The following MYT1L variants were observed in gnomAD, a reference collection of about 807,000 sequenced individuals.
The protein encoded by MYT1L is myelin transcription factor 1 like, also known as myelin transcription factor 1-like protein.
MYT1L carries 12 observed loss-of-function variants against 126.7 expected under a neutral mutation model. That is an observed-to-expected ratio of 0.09 (90% CI 0.06 to 0.15). MYT1L has a LOEUF of 0.15. Ranked by LOEUF, MYT1L falls within the 10% of genes least tolerant of loss-of-function variation. MYT1L has a pLI of 1.00. For synonymous variants in MYT1L, 541 were observed against 604.2 expected (o/e 0.90, Z 1.53); for missense variants, 979 against 1,585.2 (o/e 0.62, Z 6.49).
chr2:2,253,850 C>CTA (rs2094729909), intron 2 of MYT1L, among the ~76,000 whole-genome samples: 1 of 152,162 alleles, frequency 6.6e-6, no homozygotes, highest in African/African-American at 2.4e-5. Context: ...ACAATCATTC[C>CTA]AGCCACTGCC....
chr2:1,922,685 G>C lies in MYT1L; in HGVS notation c.1084C>G (p.Arg362Gly). The change falls in exon 10 of 25, where the codon CGG becomes GGG. Residue 362 changes from arginine to glycine, a missense_variant. By Grantham distance (125) the Arg-to-Gly change is moderately radical. This residue lies in a region of MYT1L where 243 missense variants were observed against 363.9 expected (regional missense o/e 0.67). Transcript: ENST00000647738. The surrounding 1 kb of genome is among the most constrained non-coding windows in gnomAD (Gnocchi z 7.4). The stretch of plus-strand genomic sequence containing the variant: ...CTTCCGGGGAAGTCCTCTTCTGGCC[G>C]GACATGCTGACGGATGTTCATGTTC... ...QQNMNIRQHV[R>G]PEEDFPGRTP... The C allele has an allele frequency of 6.2e-7, 1 of 1,613,696 alleles. No individual in the cohort carries two copies. The highest frequency in any genetic ancestry group is 1.3e-5 in the African/African-American group (1 of 74,992).
Position 1,889,336 on chromosome 2 carries a change from A to G in MYT1L, c.2425T>C (p.Phe809Leu), listed in dbSNP as rs1166658080. ...CAGCAGTCGCCCTCGCCCAGCTGGAAACACCGGTTGTTCATCACTGCCTGC... is the reference window on the plus strand; with the variant it reads ...CAGCAGTCGCCCTCGCCCAGCTGGAGACACCGGTTGTTCATCACTGCCTGC... Reference protein sequence around the residue: ...QQQAVMNNRCFQLGEGDCWDL... With the variant: ...QQQAVMNNRCLQLGEGDCWDL... The change falls in exon 16 of 25, where the codon TTC (phenylalanine) becomes CTC (leucine). Residue 809 changes from phenylalanine (F) to leucine (L), a missense_variant. Phe to Leu is a conservative substitution (Grantham distance 22, BLOSUM62 0). This residue lies in a region of MYT1L where 141 missense variants were observed against 170.6 expected (regional missense o/e 0.83). Coordinates refer to ENST00000647738, the MANE Select transcript of MYT1L (RefSeq NM_001303052.2). This position sits in a 1 kb window ranked among gnomAD's most constrained non-coding sequence, Gnocchi z 4.1. The G allele has an allele frequency of 3.1e-6, 5 of 1,613,898 alleles. No homozygotes were observed. The highest frequency in any genetic ancestry group is 4.2e-6 in the Non-Finnish European group (5 of 1,179,878).
At position 2,140,358 on chromosome 2, in the gene MYT1L, T is replaced by C. The variant is rs2083763631; in HGVS notation, c.-304+32514A>G. Among the ~76,000 whole-genome samples the C allele has an allele frequency of 2.0e-5, 3 of 152,230 alleles. No individual in the cohort carries two copies. In the South Asian group the frequency reaches 6.2e-4, roughly 32 times the overall value. ...TTAAAAAAGCTGTTTAACAGTGCAC[T>C]TATTCTGTTTTGTAGAAATTTGCTC... On this transcript the variant is annotated intron_variant, in intron 3 of 24. Transcript: ENST00000647738.
chr2:2,046,304 T>C (rs1414689952), intron 4 of MYT1L, among the ~76,000 whole-genome samples: 2 of 152,178 alleles, frequency 1.3e-5, no homozygotes, highest in Non-Finnish European at 2.9e-5. Flanking sequence ...CCTGTACATT[T>C]TGTTTAATAT....
Position 1,979,708 on chromosome 2 carries a change from G to T in MYT1L, c.55+15C>A, listed in dbSNP as rs2060456577. 2 of 1,613,904 alleles carry T rather than the reference G, an allele frequency of 1.2e-6. No homozygotes were observed. Among genetic ancestry groups the T allele is most frequent in the Non-Finnish European group, 1.7e-6 (2 of 1,179,902 alleles). On this transcript the variant is annotated intron_variant, in intron 6 of 24. Coordinates refer to ENST00000647738, the MANE Select transcript of MYT1L (RefSeq NM_001303052.2). The surrounding 1 kb of genome is among the most constrained non-coding windows in gnomAD (Gnocchi z 4.0). ...CCCTGAGCCGGCCTCAGGATGCAGG[G>T]AAGCGCGGACATACCTCGAACCCCT...
At chr2:2,121,631 T>C (rs925455063) in intron 3 of MYT1L, among the ~76,000 whole-genome samples, 1 of 151,700 alleles carries the variant, frequency 6.6e-6, no homozygotes, top group Non-Finnish European at 1.5e-5. Flanking sequence ...GGATTACAGG[T>C]GCGCACCACC....
intron 2 of MYT1L, among the ~76,000 whole-genome samples, chr2:2,241,143 T>C (rs533043555): frequency 6.6e-6 from 1 of 152,346 alleles, no homozygotes; most frequent in East Asian, 1.9e-4. Flanking sequence ...TGTGTGTTAG[T>C]GAACGTGTTA....
At chr2:2,265,496 C>T (rs1228622347) in intron 2 of MYT1L, among the ~76,000 whole-genome samples, 3 of 152,044 alleles carry the variant, frequency 2.0e-5, no homozygotes, top group African/African-American at 7.3e-5. Flanking sequence ...CAGCCAGTGG[C>T]ATGTGAAAGA....
rs947020468 is a variant in MYT1L, at chr2:1,887,423, T to TA, written c.2642+64dup. ...GGCAAGGCATATACAGATCCAGTTT[T>TA]AAAAAATCAGCCAAAGAATGGGAAG... On this transcript the variant is annotated intron_variant, in intron 17 of 24. Coordinates refer to ENST00000647738, the MANE Select transcript of MYT1L (RefSeq NM_001303052.2). This position sits in a 1 kb window ranked among gnomAD's most constrained non-coding sequence, Gnocchi z 4.8. The TA allele has an allele frequency of 2.9e-5, 46 of 1,608,672 alleles. No homozygotes were observed. The African/African-American group carries it at 3.5e-4, about 12-fold the overall frequency.
chr2:1,838,126 C>A (rs2041158368), intron 21 of MYT1L, among the ~76,000 whole-genome samples: 1 of 152,014 alleles, frequency 6.6e-6, no homozygotes, highest in Non-Finnish European at 1.5e-5. Flanking sequence ...GTTGGCCAGG[C>A]TGGTCTCAAA....
intron 1 of MYT1L, chr2:2,303,565 T>G (rs928725715): frequency 6.6e-6 from 1 of 152,324 alleles, no homozygotes; most frequent in African/African-American, 2.4e-5. Context: ...GGCTGAGATT[T>G]ATTTTAGCCA....
At chr2:1,914,547 T>C (rs1020905647) in intron 11 of MYT1L, among the ~76,000 whole-genome samples, 1 of 152,120 alleles carries the variant, frequency 6.6e-6, no homozygotes, top group Admixed American at 6.6e-5. Flanking sequence ...CCTCTGCACC[T>C]GACCTCCCCA....
intron 3 of MYT1L, among the ~76,000 whole-genome samples, chr2:2,149,582 GGA>G (rs2085418213): frequency 6.6e-6 from 1 of 152,202 alleles, no homozygotes; most frequent in African/African-American, 2.4e-5. Context: ...CACAGCTGAA[GGA>G]GGAGAATTCA....
intron 9 of MYT1L, among the ~76,000 whole-genome samples, chr2:1,928,966 A>T (rs1484100538): frequency 6.6e-6 from 1 of 152,058 alleles, no homozygotes; most frequent in Non-Finnish European, 1.5e-5. Context: ...CAGGATAAGG[A>T]TGTGCAGGGA....
At position 1,791,469 on chromosome 2, in the gene MYT1L, T is replaced by G; in HGVS notation, c.*398A>C. ...ATGATCATTCAAAGCTGTGGGTCTGTGTGTGCGTGTGTGTGTTTGTGTGTC... is the reference window on the plus strand; with the variant it reads ...ATGATCATTCAAAGCTGTGGGTCTGGGTGTGCGTGTGTGTGTTTGTGTGTC... On this transcript the variant is annotated 3_prime_UTR_variant, in exon 25 of 25. Transcript: ENST00000647738. This position sits in a 1 kb window ranked among gnomAD's most constrained non-coding sequence, Gnocchi z 6.0. 4 of 346,110 alleles carry G rather than the reference T, an allele frequency of 1.2e-5. No homozygotes were observed. Among genetic ancestry groups the G allele is most frequent in the South Asian group, 4.7e-5 (2 of 43,006 alleles). 21.4% of individuals were successfully genotyped at this position (346,110 alleles called of 1,614,324 possible). A position where few individuals can be genotyped will look rare whatever the true frequency, so the allele number is the denominator to read the frequency against.
intron 21 of MYT1L, among the ~76,000 whole-genome samples, chr2:1,824,118 G>C (rs148078775): frequency 1.3e-5 from 2 of 152,338 alleles, no homozygotes; most frequent in African/African-American, 2.4e-5. Flanking sequence ...TCTAAACAGA[G>C]AGTGATTCTT....
intron 1 of MYT1L, among the ~76,000 whole-genome samples, chr2:2,306,704 C>A (rs1165693972): frequency 2.0e-5 from 3 of 152,150 alleles, no homozygotes. Context: ...TGATGGTGCT[C>A]TGGTCACAGC....
At chr2:1,832,974 G>C (rs1048953522) in intron 21 of MYT1L, among the ~76,000 whole-genome samples, 3 of 152,214 alleles carry the variant, frequency 2.0e-5, no homozygotes, top group Admixed American at 6.5e-5. Context: ...CCTGGACGGA[G>C]ATCATCGGTG....
rs970130889 is a variant in MYT1L, at chr2:1,887,359, C to T, written c.2642+129G>A. The T allele has an allele frequency of 1.5e-5, 19 of 1,252,564 alleles. No individual in the cohort carries two copies. The highest frequency in any genetic ancestry group is 1.3e-4 in the African/African-American group (9 of 67,512). 77.6% of individuals were successfully genotyped at this position (1,252,564 alleles called of 1,614,324 possible). ...CTGCTCACTCTACTGACCCAGCAGT[C>T]GGAAACATTTATATGCTGCGAATGT... is the stretch of plus-strand genomic sequence containing the variant. On this transcript the variant is annotated intron_variant, in intron 17 of 24. Coordinates refer to ENST00000647738, the MANE Select transcript of MYT1L (RefSeq NM_001303052.2). This position sits in a 1 kb window ranked among gnomAD's most constrained non-coding sequence, Gnocchi z 4.8.
Sources: allele counts gnomAD v4.1 joint callset (sites outside exome capture counted in the v4.1 genomes callset), GRCh38; gene constraint gnomAD v4.1.1; regional missense constraint gnomAD v4.1.1; non-coding constraint Gnocchi (gnomAD v3.1); transcripts MANE v1.5; gene names NCBI Gene and HGNC (gene_info 2026-07-23, HGNC 2026-07-21).